Variants in SRL observed in about 807,000 individuals in gnomAD.
SRL encodes the protein sarcalumenin.
SRL carries 23 observed loss-of-function variants against 39.5 expected under a neutral mutation model. The ratio of observed to expected loss-of-function variants is 0.58; its 90% confidence interval spans 0.42 to 0.82. SRL has a LOEUF of 0.82. Ranked by LOEUF, SRL falls within the 40% of genes least tolerant of loss-of-function variation. SRL has a pLI of 0.00. For synonymous variants in SRL, 272 were observed against 237.4 expected (o/e 1.15, Z -1.34); for missense variants, 592 against 607.8 (o/e 0.97, Z 0.27).
chr16:4,228,803 G>A (rs1407557619), intron 1 of SRL, among the ~76,000 whole-genome samples: 1 of 152,044 alleles, frequency 6.6e-6, no homozygotes, highest in African/African-American at 2.4e-5. Context: ...GCTGGGGAAA[G>A]GTGGGGACCA....
At chr16:4,236,080 T>A (rs1174606002) in intron 1 of SRL, among the ~76,000 whole-genome samples, 1 of 152,010 alleles carries the variant, frequency 6.6e-6, no homozygotes, top group African/African-American at 2.4e-5. Flanking sequence ...TCTAAAAAAA[T>A]AAATAAAAAG....
At chr16:4,228,313 T>C (rs935484648) in intron 1 of SRL, among the ~76,000 whole-genome samples, 1 of 152,194 alleles carries the variant, frequency 6.6e-6, no homozygotes. Flanking sequence ...GGCGCATGCC[T>C]GTAATCCCAG....
intron 1 of SRL, chr16:4,207,355 C>T (rs1379522175): frequency 4.4e-6 from 2 of 456,662 alleles, no homozygotes; most frequent in Admixed American, 2.3e-5. Flanking sequence ...GCAGCTGGGC[C>T]GGGCTCCCCC....
Position 4,192,561 on chromosome 16 carries a change from G to T in SRL, c.1014C>A (p.Ile338=), listed in dbSNP as rs1410638648. The T allele has an allele frequency of 6.2e-7, 1 of 1,614,190 alleles. No individual in the cohort carries two copies. Among genetic ancestry groups the T allele is most frequent in the African/African-American group, 1.3e-5 (1 of 75,030 alleles). ...CCAGGAGGGCGTGGATGCGGACCCG[G>T]ATGGCGTGCTGGCGGATGAAGGCAA... ...NKIAFIRQHA[I]RVRIHALLVD... The change falls in exon 6 of 6, where the codon ATC becomes ATA. Residue 338 remains isoleucine (I), a synonymous_variant. Transcript: ENST00000399609. The surrounding 1 kb of genome is among the most constrained non-coding windows in gnomAD (Gnocchi z 4.0).
At chr16:4,234,746 G>A (rs1392025482) in intron 1 of SRL, among the ~76,000 whole-genome samples, 3 of 152,310 alleles carry the variant, frequency 2.0e-5, no homozygotes, top group East Asian at 1.9e-4. Flanking sequence ...CTTAGCAGCC[G>A]TGCTCGCCAT....
At chr16:4,197,746 T>C in intron 4 of SRL, 53 bp downstream of exon 4, 1 of 1,288,266 alleles carries the variant, frequency 7.8e-7, no homozygotes, top group Non-Finnish European at 1.1e-6. Context: ...ATTTTCATGG[T>C]GCTTTTACAT....
chr16:4,190,467 G>A lies in SRL; in HGVS notation c.*1686C>T, dbSNP rs1390005638. The A allele has an allele frequency of 2.5e-5, 10 of 398,716 alleles. No homozygotes were observed. In the East Asian group the frequency reaches 3.6e-4, roughly 14 times the overall value. The allele number at this position is 398,716 out of a possible 1,614,324, so 24.7% of individuals were successfully genotyped here. On this transcript the variant is annotated 3_prime_UTR_variant, in exon 6 of 6. Coordinates refer to ENST00000399609, the MANE Select transcript of SRL (RefSeq NM_001098814.2). ...GAGGCAGCCCGGGCTGGGTCTCCTG[G>A]GCATGCACAGACTGTGCACCATGCA...
At chr16:4,214,818 A>T (rs571280988) in intron 1 of SRL, among the ~76,000 whole-genome samples, 1 of 148,832 alleles carries the variant, frequency 6.7e-6, no homozygotes, top group Non-Finnish European at 1.5e-5. Flanking sequence ...CCCAGGGTGG[A>T]GTACAGTGGT....
intron 1 of SRL, among the ~76,000 whole-genome samples, chr16:4,214,535 C>T (rs1477711248): frequency 6.6e-6 from 1 of 152,152 alleles, no homozygotes; most frequent in Non-Finnish European, 1.5e-5. Context: ...CCATCCACCC[C>T]CCGCCCCACG....
chr16:4,199,693 CTTT>C (rs35631556), intron 3 of SRL, among the ~76,000 whole-genome samples: 3 of 96,422 alleles, frequency 3.1e-5, no homozygotes, highest in South Asian at 4.0e-4. Flanking sequence ...TTTTCTTTTC[CTTT>C]TTTTTTTTTT....
intron 1 of SRL, among the ~76,000 whole-genome samples, chr16:4,214,200 G>A (rs540179228): frequency 3.3e-5 from 5 of 152,344 alleles, no homozygotes; most frequent in Non-Finnish European, 7.4e-5. Flanking sequence ...TCTGGGTGTT[G>A]AATGTATTCA....
chr16:4,191,924 A>G lies in SRL; in HGVS notation c.*229T>C, dbSNP rs1034597607. 1.9e-5 allele frequency: 9 copies of G among 474,520 alleles called. No individual in the cohort carries two copies. Among genetic ancestry groups the G allele is most frequent in the African/African-American group, 1.4e-4 (7 of 50,782 alleles). The allele number at this position is 474,520 out of a possible 1,614,324, so 29.4% of individuals were successfully genotyped here. On this transcript the variant is annotated 3_prime_UTR_variant, in exon 6 of 6. Coordinates refer to ENST00000399609, the MANE Select transcript of SRL (RefSeq NM_001098814.2). The stretch of plus-strand genomic sequence containing the variant: ...AGCAGGTGGAGGCTGACTTGCCTCA[A>G]TCAGGCCTCCTCATTGAAGCAACAA...
intron 1 of SRL, among the ~76,000 whole-genome samples, chr16:4,225,175 T>G (rs34238710): frequency 0.14 from 21,401 of 152,168 alleles, 1,551 homozygotes; most frequent in Admixed American, 0.18. Context: ...GTTCTAAAAT[T>G]GACTGTGTTG....
intron 5 of SRL, among the ~76,000 whole-genome samples, chr16:4,194,036 T>C (rs1031106848): frequency 3.3e-5 from 5 of 152,208 alleles, no homozygotes; most frequent in East Asian, 1.9e-4. Flanking sequence ...ATAACCACAA[T>C]TGGAGTTGTA....
chr16:4,223,906 G>A (rs1382259075), intron 1 of SRL, among the ~76,000 whole-genome samples: 1 of 152,136 alleles, frequency 6.6e-6, no homozygotes, highest in Admixed American at 6.5e-5. Context: ...GCCACAGGCG[G>A]CCAACAAAAG....
At chr16:4,210,182 CAGTTT>C (rs2052375374) in intron 1 of SRL, among the ~76,000 whole-genome samples, 1 of 152,170 alleles carries the variant, frequency 6.6e-6, no homozygotes, top group Non-Finnish European at 1.5e-5. Flanking sequence ...GACTGTTGCT[CAGTTT>C]AATCTCCTTT....
chr16:4,207,136 C>T, intron 1 of SRL: 1 of 456,768 alleles, frequency 2.2e-6, no homozygotes, highest in South Asian at 1.5e-5. Flanking sequence ...GCGCCCTCTG[C>T]TTCTTCTGAG....
intron 3 of SRL, 38 bp downstream of exon 3, chr16:4,203,128 C>T: frequency 5.0e-6 from 8 of 1,585,318 alleles, no homozygotes; most frequent in Non-Finnish European, 5.2e-6. Context: ...TGCGCCGTAC[C>T]CGTAATCTCA....
intron 1 of SRL, among the ~76,000 whole-genome samples, chr16:4,230,115 C>A (rs1377950337): frequency 6.6e-6 from 1 of 152,092 alleles, no homozygotes; most frequent in Non-Finnish European, 1.5e-5. Context: ...GGGCAGCCAC[C>A]CTCCTACCTA....
Sources: gnomAD v4.1 joint callset for allele counts (sites outside exome capture counted in the v4.1 genomes callset) on GRCh38, gnomAD v4.1.1 for gene constraint, Gnocchi (gnomAD v3.1) non-coding constraint, MANE v1.5 for transcripts, NCBI Gene and HGNC (gene_info 2026-07-23, HGNC 2026-07-21) for gene names.